Variants in ABHD2 observed in about 807,000 individuals in gnomAD.
The protein encoded by ABHD2 is monoacylglycerol lipase ABHD2.
ABHD2 carries 20 observed loss-of-function variants against 48.1 expected under a neutral mutation model. The ratio of observed to expected loss-of-function variants is 0.42; its 90% CI spans 0.29 to 0.60. The LOEUF is 0.60. Ranked by LOEUF, ABHD2 falls within the 20% of genes least tolerant of loss-of-function variation. The pLI is 0.24. For missense variants in ABHD2, 405 were observed against 550.9 expected, an observed-to-expected ratio of 0.74 and a Z score of 2.65; for synonymous variants, 209 against 214.2, an observed-to-expected ratio of 0.98 and a Z score of 0.21.
upstream of ABHD2, among the ~76,000 whole-genome samples, chr15:89,083,080 C>T (rs958259387): frequency 2.6e-5 from 4 of 152,194 alleles, no homozygotes; most frequent in Admixed American, 2.0e-4. The surrounding 1 kb of genome is among the most constrained non-coding windows in gnomAD (Gnocchi z 5.1). Context: ...GTCTCGAGCT[C>T]CTGACCTCAA....
intron 5 of ABHD2, among the ~76,000 whole-genome samples, chr15:89,163,257 A>G (rs533719429): frequency 3.9e-5 from 6 of 152,380 alleles, no homozygotes; most frequent in South Asian, 2.1e-4. Flanking sequence ...TCCAAACCAC[A>G]TAAGCTTTGC....
At chr15:89,052,244 G>C in the ABHD2 span, among the ~76,000 whole-genome samples, 1 of 152,132 alleles carries the variant, frequency 6.6e-6, no homozygotes, top group African/African-American at 2.4e-5. Flanking sequence ...TTTGTCTTGG[G>C]TATGGAATGG....
chr15:89,142,483 T>G (rs1367793110), intron 3 of ABHD2, among the ~76,000 whole-genome samples: 2 of 152,222 alleles, frequency 1.3e-5, no homozygotes, highest in Non-Finnish European at 2.9e-5. Context: ...GTGACATAAT[T>G]TCTTTGCTGT....
chr15:89,042,731 C>CT, the ABHD2 span, among the ~76,000 whole-genome samples: 4 of 151,970 alleles, frequency 2.6e-5, no homozygotes, highest in African/African-American at 9.7e-5. Context: ...ACTCTAGCCT[C>CT]TGCCTCCCGG....
chr15:89,145,419 A>G (rs1436951295), intron 3 of ABHD2, among the ~76,000 whole-genome samples: 1 of 152,226 alleles, frequency 6.6e-6, no homozygotes, highest in African/African-American at 2.4e-5. Context: ...AGATGCTCAA[A>G]TAAATACATT....
rs2051182559 is a variant in ABHD2 at position 89,185,040 on chromosome 15, CA to C, written c.723-383del. Among the ~76,000 whole-genome samples the C allele has an allele frequency of 6.6e-6, 1 of 152,210 alleles. No homozygotes were observed. The highest frequency in any genetic ancestry group is 2.4e-5 in the African/African-American group (1 of 41,438). ...CCGTTCCATGTGCCAGTCATTAAAC[CA>C]GAAAACTTGCCTGCCAGGTAGGGAG... On this transcript the variant is annotated intron_variant, in intron 6 of 10. Transcript: ENST00000352732. This position sits in a 1 kb window ranked among gnomAD's most constrained non-coding sequence, Gnocchi z 5.9.
chr15:89,143,263 C>T (rs1351142688), intron 3 of ABHD2, among the ~76,000 whole-genome samples: 1 of 152,206 alleles, frequency 6.6e-6, no homozygotes, highest in African/African-American at 2.4e-5. Flanking sequence ...ATTCAATTTA[C>T]CACATGCAGT....
the ABHD2 span, among the ~76,000 whole-genome samples, chr15:89,049,128 G>A: frequency 2.6e-5 from 4 of 152,152 alleles, no homozygotes; most frequent in African/African-American, 9.7e-5. Context: ...CTGCAGGTCT[G>A]TTGGAGTACC....
At chr15:89,127,650 T>C (rs374356783) in intron 3 of ABHD2, among the ~76,000 whole-genome samples, 2 of 150,044 alleles carry the variant, frequency 1.3e-5, no homozygotes, top group East Asian at 3.9e-4. Flanking sequence ...GTATGGACTT[T>C]TCCTTCCTTG....
At chr15:89,061,086 GGGGAGGGAGGGA>G in the ABHD2 span, among the ~76,000 whole-genome samples, 1 of 146,110 alleles carries the variant, frequency 6.8e-6, no homozygotes, top group African/African-American at 2.6e-5. Context: ...CTCCAAAAAT[GGGGAGGGAGGGA>G]AGGAGGGAGG....
rs1231333311 is a variant in ABHD2, at chr15:89,097,946, A to C, written c.-107+9383A>C. On this transcript the variant is annotated intron_variant, in intron 1 of 10. Transcript: ENST00000352732. This position sits in a 1 kb window ranked among gnomAD's most constrained non-coding sequence, Gnocchi z 4.2. ...CACTCTGTCACGCAGGCTGGATTGC[A>C]GTGGCAGGATCTGGGCTCACTGCAG... is the stretch of plus-strand genomic sequence containing the variant. Among the ~76,000 whole-genome samples the C allele has an allele frequency of 6.6e-6, 1 of 152,124 alleles. No homozygotes were observed. The highest frequency in any genetic ancestry group is 1.5e-5 in the Non-Finnish European group (1 of 68,020).
chr15:89,116,064 A>C lies in ABHD2; in HGVS notation c.-6-258A>C, dbSNP rs1026677417. Among the ~76,000 whole-genome samples, 5 of 152,206 alleles carry C rather than the reference A, an allele frequency of 3.3e-5. No homozygotes were observed. The highest frequency in any genetic ancestry group is 1.5e-5 in the Non-Finnish European group (1 of 68,024). ...AATTTTCTGATTTGCTCATCTTAGAAATGCTTGTGAAATTATAAAAAGAAA... is the reference window on the plus strand; with the variant it reads ...AATTTTCTGATTTGCTCATCTTAGACATGCTTGTGAAATTATAAAAAGAAA... On this transcript the variant is annotated intron_variant, in intron 2 of 10. Transcript: ENST00000352732. This position sits in a 1 kb window ranked among gnomAD's most constrained non-coding sequence, Gnocchi z 4.6.
chr15:89,179,278 G>A lies in ABHD2; in HGVS notation c.722+3283G>A, dbSNP rs1290675614. On this transcript the variant is annotated intron_variant, in intron 6 of 10. Transcript: ENST00000352732. The surrounding 1 kb of genome is among the most constrained non-coding windows in gnomAD (Gnocchi z 4.3). ...GGCCGCACAGCAGGAGGTGAGCGGTGGGCAGGTCACAGTGGGCAAAGCAGT... is the reference window on the plus strand; with the variant it reads ...GGCCGCACAGCAGGAGGTGAGCGGTAGGCAGGTCACAGTGGGCAAAGCAGT... Among the ~76,000 whole-genome samples the A allele has an allele frequency of 6.6e-6, 1 of 152,140 alleles. No homozygotes were observed. Among genetic ancestry groups the A allele is most frequent in the Admixed American group, 6.5e-5 (1 of 15,280 alleles).
the ABHD2 span, among the ~76,000 whole-genome samples, chr15:89,060,427 C>G: frequency 1.3e-5 from 2 of 151,866 alleles, no homozygotes; most frequent in Non-Finnish European, 2.9e-5. Context: ...CCTCCCAAAA[C>G]AAAGAGTTTT....
rs147801229 is a variant in ABHD2, at chr15:89,164,138, C to A, written c.538+8604C>A. On this transcript the variant is annotated intron_variant, in intron 5 of 10. Transcript: ENST00000352732. The surrounding 1 kb of genome is among the most constrained non-coding windows in gnomAD (Gnocchi z 5.0). ...ATCCTCCAGACAATGATGGGGCCAG[C>A]CTCTGCGATGGGAATACAGGTGTGG... is the stretch of plus-strand genomic sequence containing the variant. 6.6e-6 allele frequency among the ~76,000 whole-genome samples: 1 copy of A among 152,304 alleles called. No individual in the cohort carries two copies. The highest frequency in any genetic ancestry group is 1.9e-4 in the East Asian group (1 of 5,184).
At chr15:89,117,640 A>G (rs1354091075) in intron 3 of ABHD2, among the ~76,000 whole-genome samples, 1 of 152,194 alleles carries the variant, frequency 6.6e-6, no homozygotes, top group Non-Finnish European at 1.5e-5. Context: ...GTCTTCCTCA[A>G]GTGTGTCCGT....
Position 89,174,379 on chromosome 15 carries a change from C to T in ABHD2, c.539-1433C>T, listed in dbSNP as rs2150925829. Among the ~76,000 whole-genome samples, 1 of 152,284 alleles carries T rather than the reference C, an allele frequency of 6.6e-6. No individual in the cohort carries two copies. The highest frequency in any genetic ancestry group is 2.1e-4 in the South Asian group (1 of 4,822). ...ACTATAGATTCCTGGGCTTGGTCCC[C>T]ATCTTACAGAATCAGCTTCTCTGGA... On this transcript the variant is annotated intron_variant, in intron 5 of 10. Transcript: ENST00000352732. This position sits in a 1 kb window ranked among gnomAD's most constrained non-coding sequence, Gnocchi z 4.1.
intron 5 of ABHD2, among the ~76,000 whole-genome samples, chr15:89,171,445 C>A (rs188598668): frequency 1.3e-5 from 2 of 152,184 alleles, no homozygotes; most frequent in African/African-American, 2.4e-5. Flanking sequence ...TAATATATAA[C>A]CTCCGTGCAG....
the ABHD2 span, among the ~76,000 whole-genome samples, chr15:89,059,458 G>A: frequency 6.6e-6 from 1 of 152,116 alleles, no homozygotes; most frequent in African/African-American, 2.4e-5. Flanking sequence ...AAATTCGTTA[G>A]GTTGATCATT....
Sources: allele counts gnomAD v4.1 joint callset (sites outside exome capture counted in the v4.1 genomes callset), GRCh38; gene constraint gnomAD v4.1.1; non-coding constraint Gnocchi (gnomAD v3.1); transcripts MANE v1.5; gene names NCBI Gene and HGNC (gene_info 2026-07-23, HGNC 2026-07-21).